Variants in BBS12 observed in about 807,000 individuals in gnomAD.
The protein encoded by BBS12 is chaperonin-containing T-complex member BBS12.
BBS12 carries 5 observed loss-of-function variants against 5.6 expected under a neutral mutation model. The observed-to-expected ratio is 0.89, with a 90% confidence interval of 0.46 to 1.86. The LOEUF is 1.86. Among genes scored for constraint, BBS12 ranks in the 40% most tolerant of loss-of-function variants. The pLI is 0.01. For missense variants in BBS12, 748 were observed against 830.4 expected (o/e 0.90, Z 1.22); for synonymous variants, 308 against 306.8 (o/e 1.00, Z -0.04).
At chr4:122,720,222 G>A in the BBS12 span, among the ~76,000 whole-genome samples, 7 of 152,220 alleles carry the variant, frequency 4.6e-5, no homozygotes, top group East Asian at 7.7e-4. Context: ...AGGCTGAGGC[G>A]GGCAGATCAC....
chr4:122,727,131 AAC>A, the BBS12 span, among the ~76,000 whole-genome samples: 10 of 152,260 alleles, frequency 6.6e-5, no homozygotes, highest in Non-Finnish European at 1.0e-4. Flanking sequence ...TAAAGGCTGA[AAC>A]ACAATGCAAA....
rs140458616 is a variant in BBS12, at chr4:122,741,347, C to T, written c.-10-536C>T. ...GACTACAGGTGCGTGCCACCACACC[C>T]GGCCAATTTTTGTATTTTTAGTAGA... On this transcript the variant is annotated intron_variant, in intron 1 of 1. Transcript: ENST00000314218. Among the ~76,000 whole-genome samples the T allele has an allele frequency of 3.6e-3, 552 of 152,254 alleles. 2 individuals are homozygous for T. Among genetic ancestry groups the T allele is most frequent in the African/African-American group, 0.012 (517 of 41,552 alleles).
At chr4:122,738,198 G>A (rs1800814401) in intron 1 of BBS12, among the ~76,000 whole-genome samples, 1 of 152,000 alleles carries the variant, frequency 6.6e-6, no homozygotes, top group African/African-American at 2.4e-5. Flanking sequence ...CAAAAAAATA[G>A]GTAAATTAGA....
chr4:122,702,146 C>T, the BBS12 span, among the ~76,000 whole-genome samples: 2 of 152,148 alleles, frequency 1.3e-5, no homozygotes, highest in Non-Finnish European at 2.9e-5. Context: ...TGCATAATAA[C>T]AGCTCACTGC....
chr4:122,734,308 C>T (rs1335421600), intron 1 of BBS12, among the ~76,000 whole-genome samples: 3 of 152,020 alleles, frequency 2.0e-5, no homozygotes, highest in African/African-American at 7.2e-5. Flanking sequence ...CTCTGTCGCC[C>T]AGGCTGGAGT....
At chr4:122,739,679 C>T (rs1374745506) in intron 1 of BBS12, among the ~76,000 whole-genome samples, 1 of 152,226 alleles carries the variant, frequency 6.6e-6, no homozygotes, top group Non-Finnish European at 1.5e-5. Context: ...ATGTAGACAG[C>T]TTCGGAGGGT....
chr4:122,741,740 A>T, intron 1 of BBS12, 143 bp from the exon 2 acceptor site: 1 of 667,020 alleles, frequency 1.5e-6, no homozygotes, highest in South Asian at 1.9e-5. Flanking sequence ...TAGAATAATA[A>T]TACTGTATCA....
the BBS12 span, among the ~76,000 whole-genome samples, chr4:122,707,959 TCC>T: frequency 5.2e-3 from 777 of 150,042 alleles, 13 homozygotes; most frequent in African/African-American, 0.018. Flanking sequence ...CTTCCTTCCT[TCC>T]TTCCTTCCTT....
upstream of BBS12, chr4:122,730,262 T>G (rs186247144): frequency 3.2e-4 from 49 of 152,324 alleles, 1 homozygote; most frequent in East Asian, 2.1e-3. Context: ...CATCAAACTT[T>G]AAAATTCTAA....
chr4:122,723,814 T>C, the BBS12 span, among the ~76,000 whole-genome samples: 1 of 152,154 alleles, frequency 6.6e-6, no homozygotes, highest in African/African-American at 2.4e-5. Context: ...AAAAAGTTCT[T>C]AATAGCCCTC....
intron 1 of BBS12, among the ~76,000 whole-genome samples, chr4:122,735,182 G>C (rs1011203244): frequency 6.6e-6 from 1 of 152,192 alleles, no homozygotes; most frequent in African/African-American, 2.4e-5. Flanking sequence ...CATTAGAGAA[G>C]TCCTGATAGG....
the BBS12 span, among the ~76,000 whole-genome samples, chr4:122,716,671 GTGTATATATACACATATGTGTA>G: frequency 4.3e-3 from 265 of 61,182 alleles, 3 homozygotes; most frequent in African/African-American, 0.018. Flanking sequence ...ATACACATAT[GTGTATATATACACATATGTGTA>G]TGTGTGTGTA....
chr4:122,705,722 C>CCAGT, the BBS12 span, among the ~76,000 whole-genome samples: 112 of 152,262 alleles, frequency 7.4e-4, no homozygotes, highest in African/African-American at 2.3e-3. Context: ...CTGACAAAGC[C>CCAGT]CAGTCCTACA....
chr4:122,742,560 A>T lies in BBS12; in HGVS notation c.668A>T (p.Asp223Val). 6.2e-7 allele frequency: 1 copy of T among 1,614,272 alleles called. No individual in the cohort carries two copies. Among genetic ancestry groups the T allele is most frequent in the Non-Finnish European group, 8.5e-7 (1 of 1,180,046 alleles). ...ACTCTGAAAAACAGCCTGCTTGCAG[A>T]TACCTGCTGCAGACAGTCAATACTA... ...SRTLKNSLLA[D>V]TCCRQSILIH... Residue 223 changes from aspartate (D) to valine (V), a missense_variant, in exon 2 of 2, where the codon GAT becomes GTT. Physicochemically the swap from Asp to Val is radical, Grantham distance 152. Coordinates refer to ENST00000314218, the MANE Select transcript of BBS12 (RefSeq NM_152618.3).
chr4:122,716,609 G>GTATATATAAAAA, the BBS12 span, among the ~76,000 whole-genome samples: 1 of 61,156 alleles, frequency 1.6e-5, no homozygotes, highest in African/African-American at 1.1e-4. Flanking sequence ...ATACACACAT[G>GTATATATAAAAA]TGTGTATATG....
the BBS12 span, among the ~76,000 whole-genome samples, chr4:122,716,565 A>G: frequency 4.7e-5 from 7 of 149,882 alleles, no homozygotes; most frequent in African/African-American, 1.7e-4. Context: ...ACATATGTAT[A>G]TATAAACATA....
chr4:122,715,843 C>A, the BBS12 span, among the ~76,000 whole-genome samples: 12 of 152,120 alleles, frequency 7.9e-5, no homozygotes, highest in Admixed American at 7.2e-4. Flanking sequence ...TTTACTTTGA[C>A]TTGGGTCAAA....
rs759091753 is a variant in BBS12 at position 122,742,208 on chromosome 4, G to T, written c.316G>T (p.Gly106Cys). 1.9e-6 allele frequency: 3 copies of T among 1,613,670 alleles called. No homozygotes were observed. In the African/African-American group the frequency reaches 4.0e-5, roughly 22 times the overall value. The change falls in exon 2 of 2, where the codon GGT becomes TGT. Residue 106 changes from glycine to cysteine, a missense_variant. Coordinates refer to ENST00000314218, the MANE Select transcript of BBS12 (RefSeq NM_152618.3). ...SSAVEECLHL[G>C]VPISIIVSVM... is the part of the protein sequence containing the mutation. ...TGCAGTTGAAGAATGTCTTCATCTT[G>T]GTGTCCCCATTTCCATAATAGTATC...
chr4:122,713,931 C>T, the BBS12 span, among the ~76,000 whole-genome samples: 1 of 152,098 alleles, frequency 6.6e-6, no homozygotes, highest in African/African-American at 2.4e-5. Context: ...TTTACAACTA[C>T]TTTGGGGAAT....
Sources: gnomAD v4.1 joint callset for allele counts (sites outside exome capture counted in the v4.1 genomes callset) on GRCh38, gnomAD v4.1.1 for gene constraint, MANE v1.5 for transcripts, NCBI Gene and HGNC (gene_info 2026-07-23, HGNC 2026-07-21) for gene names.